The following MSH4 variants were observed in gnomAD, a reference collection of about 807,000 sequenced individuals.
MSH4 encodes the protein mutS protein homolog 4.
In MSH4, 106 loss-of-function variants were observed where a neutral mutation model predicts 113.7. The ratio of observed to expected loss-of-function variants is 0.93; its 90% CI spans 0.80 to 1.10. The LOEUF is 1.10. Among genes scored for constraint, MSH4 ranks in the 50% least tolerant of loss-of-function variants. The pLI is 0.00. For missense variants in MSH4, 1,061 were observed against 1,093.7 expected (o/e 0.97, Z 0.42); for synonymous variants, 368 against 380.2 (o/e 0.97, Z 0.37).
At chr1:75,854,333 A>C (rs1036776648) in intron 8 of MSH4, among the ~76,000 whole-genome samples, 2 of 151,964 alleles carry the variant, frequency 1.3e-5, no homozygotes, top group African/African-American at 4.8e-5. Flanking sequence ...CACTCTGCCT[A>C]TGCTGTAGTA....
intron 10 of MSH4, 126 bp downstream of exon 10, chr1:75,877,126 A>G: frequency 2.1e-6 from 1 of 480,942 alleles, no homozygotes; most frequent in Non-Finnish European, 3.6e-6. Flanking sequence ...AGAATCTTTA[A>G]CCTATTCATC....
chr1:75,900,468 A>ATT (rs71730139), intron 19 of MSH4, among the ~76,000 whole-genome samples: 2 of 150,772 alleles, frequency 1.3e-5, no homozygotes, highest in Non-Finnish European at 3.0e-5. Context: ...CACCCGGCTA[A>ATT]TTTTTTTTTG....
intron 1 of MSH4, among the ~76,000 whole-genome samples, chr1:75,803,245 G>A (rs1414149582): frequency 6.6e-6 from 1 of 152,126 alleles, no homozygotes; most frequent in Non-Finnish European, 1.5e-5. Flanking sequence ...GCATATTTTT[G>A]TATATTTATC....
At chr1:75,888,701 G>A (rs1442084729) in intron 15 of MSH4, among the ~76,000 whole-genome samples, 4 of 151,768 alleles carry the variant, frequency 2.6e-5, no homozygotes, top group Non-Finnish European at 5.9e-5. Flanking sequence ...ATAATGATTA[G>A]ATCAGTGTAA....
At chr1:75,866,024 A>C (rs1391433191) in intron 8 of MSH4, among the ~76,000 whole-genome samples, 4 of 151,514 alleles carry the variant, frequency 2.6e-5, no homozygotes, top group Non-Finnish European at 5.9e-5. Flanking sequence ...CTATTTCTAG[A>C]CTCTTTATTC....
intron 14 of MSH4, among the ~76,000 whole-genome samples, chr1:75,882,322 T>A (rs1015390552): frequency 2.0e-5 from 3 of 151,978 alleles, no homozygotes; most frequent in African/African-American, 7.2e-5. Context: ...ATACTTAAAA[T>A]TTTTTTTCTA....
At chr1:75,834,588 T>G (rs773680411) in intron 7 of MSH4, among the ~76,000 whole-genome samples, 1 of 152,210 alleles carries the variant, frequency 6.6e-6, no homozygotes, top group Non-Finnish European at 1.5e-5. Context: ...CACCATGGAC[T>G]ACTATGCAGC....
chr1:75,845,862 C>T (rs1651064227), intron 7 of MSH4, among the ~76,000 whole-genome samples: 2 of 152,130 alleles, frequency 1.3e-5, no homozygotes, highest in African/African-American at 4.8e-5. Flanking sequence ...GGCTCTGCCC[C>T]ATGATAAGTC....
At chr1:75,885,508 A>C (rs12748741) in intron 15 of MSH4, among the ~76,000 whole-genome samples, 1 of 115,612 alleles carries the variant, frequency 8.6e-6, no homozygotes, top group African/African-American at 3.3e-5. Flanking sequence ...ATATATATAC[A>C]TATAACCTTC....
At chr1:75,885,183 G>A (rs752224261) in intron 15 of MSH4, among the ~76,000 whole-genome samples, 38 of 143,286 alleles carry the variant, frequency 2.7e-4, no homozygotes, top group Admixed American at 6.5e-4. Flanking sequence ...AATAATATAC[G>A]CTATGTGTAT....
chr1:75,813,192 T>C (rs1144337), intron 4 of MSH4, among the ~76,000 whole-genome samples: 131,374 of 152,178 alleles, frequency 0.86, 56,940 homozygotes, highest in South Asian at 0.94. Context: ...GCTGACTGAT[T>C]CCGCTTTGTT....
chr1:75,878,293 C>G lies in MSH4; in HGVS notation c.1515C>G (p.Tyr505Ter). ...NEFLDIARRT[Y>*]TEIVDDIAGM... ...TTCTTGACATAGCAAGAAGAACATACACAGAGATTGTAGATGACATAGCAG... is the reference window on the plus strand; with the variant it reads ...TTCTTGACATAGCAAGAAGAACATAGACAGAGATTGTAGATGACATAGCAG... The change falls in exon 11 of 20, where the codon TAC becomes TAG. Residue 505 changes from tyrosine (Y) to a stop codon, truncating the protein, a stop_gained. Coordinates refer to ENST00000263187, the MANE Select transcript of MSH4 (RefSeq NM_002440.4). LOFTEE classifies it high-confidence loss of function. 6.3e-7 allele frequency: 1 copy of G among 1,599,348 alleles called. No homozygotes were observed. Among genetic ancestry groups the G allele is most frequent in the Non-Finnish European group, 8.5e-7 (1 of 1,176,386 alleles).
intron 19 of MSH4, among the ~76,000 whole-genome samples, chr1:75,908,511 G>C (rs773044129): frequency 6.6e-6 from 1 of 152,068 alleles, no homozygotes; most frequent in Non-Finnish European, 1.5e-5. Context: ...TGCTGTTTTA[G>C]AGTTCATGAA....
intron 7 of MSH4, among the ~76,000 whole-genome samples, chr1:75,845,268 C>T (rs116570078): frequency 3.2e-4 from 49 of 152,272 alleles, no homozygotes; most frequent in Non-Finnish European, 6.3e-4. Flanking sequence ...AAAGTCTTAA[C>T]TTGTTTCAAC....
intron 1 of MSH4, among the ~76,000 whole-genome samples, chr1:75,801,397 T>C (rs537968904): frequency 6.6e-6 from 1 of 151,352 alleles, no homozygotes; most frequent in African/African-American, 2.4e-5. Flanking sequence ...AAACCCTGTC[T>C]CTATTAAAAA....
chr1:75,852,285 T>C (rs1384751053), intron 8 of MSH4, among the ~76,000 whole-genome samples: 3 of 152,370 alleles, frequency 2.0e-5, no homozygotes, highest in African/African-American at 7.2e-5. Flanking sequence ...AGTTTATCAG[T>C]TGATGGCTAT....
intron 6 of MSH4, among the ~76,000 whole-genome samples, chr1:75,818,714 A>C (rs1295289394): frequency 6.6e-6 from 1 of 151,440 alleles, no homozygotes. Flanking sequence ...TAATCAACCT[A>C]ACTAAAGCAA....
intron 7 of MSH4, among the ~76,000 whole-genome samples, chr1:75,847,513 T>A (rs1651099506): frequency 6.6e-6 from 1 of 152,252 alleles, no homozygotes; most frequent in East Asian, 1.9e-4. Flanking sequence ...GTTTCAAGAA[T>A]GAGGGTAAGT....
At chr1:75,872,251 A>G (rs1281096506) in intron 9 of MSH4, among the ~76,000 whole-genome samples, 1 of 152,212 alleles carries the variant, frequency 6.6e-6, no homozygotes, top group East Asian at 1.9e-4. Flanking sequence ...GCAAGTTTCC[A>G]TGATGCTCCA....
Sources: allele counts gnomAD v4.1 joint callset (sites outside exome capture counted in the v4.1 genomes callset), GRCh38; gene constraint gnomAD v4.1.1; transcripts MANE v1.5; gene names NCBI Gene and HGNC (gene_info 2026-07-23, HGNC 2026-07-21).